The following RELA variants were observed in gnomAD, a reference collection of about 807,000 sequenced individuals.
RELA encodes RELA proto-oncogene, NF-kB subunit, also known as transcription factor p65.
In RELA, 14 loss-of-function variants were observed where a neutral mutation model predicts 56.7. That is an observed-to-expected ratio of 0.25 (90% confidence interval 0.16 to 0.39). The LOEUF (loss-of-function observed/expected upper bound fraction) is 0.39. RELA is among the 10% of genes least tolerant of loss of function. The pLI is 1.00. For missense variants in RELA, 559 were observed against 736.4 expected, an observed-to-expected ratio of 0.76 and a Z score of 2.79; for synonymous variants, 315 against 289.7, an observed-to-expected ratio of 1.09 and a Z score of -0.89.
rs1455153322 is a variant in RELA, at chr11:65,654,876, G to A, written c.1158C>T (p.Val386=). Residue 386 remains valine, a synonymous_variant, in exon 11 of 11, where the codon GTC becomes GTT. Transcript: ENST00000406246. ...ASALAPAPPQ[V]LPQAPAPAPA... ...GGGCAGGGGCTGGAGCCTGGGGCAG[G>A]ACTTGGGGAGGGGCCGGGGCCAAGG... is the stretch of plus-strand genomic sequence containing the variant. 6.3e-7 allele frequency: 1 copy of A among 1,576,168 alleles called. No individual in the cohort carries two copies.
chr11:65,662,786 C>A, intron 1 of RELA, 40 bp downstream of exon 1: 2 of 1,196,910 alleles, frequency 1.7e-6, no homozygotes, highest in Non-Finnish European at 2.1e-6. Context: ...CCGCGGCGGC[C>A]CCGGCGATGC....
intron 6 of RELA, 61 bp downstream of exon 6, chr11:65,659,604 CA>C: frequency 1.2e-6 from 2 of 1,604,200 alleles, no homozygotes; most frequent in Non-Finnish European, 1.7e-6. Context: ...ACACTCACCC[CA>C]ACCCCCTTCC....
rs749535863 is a variant in RELA at position 65,660,183 on chromosome 11, T to C, written c.368A>G (p.Lys123Arg). The C allele has an allele frequency of 2.5e-6, 4 of 1,614,128 alleles. No individual in the cohort carries two copies. ...ACTGATAGCCTGCTCCAGGTCCCGC[T>C]TCTTCACACACTGGATTCCCAGGTT... is the stretch of plus-strand genomic sequence containing the variant. ...FQNLGIQCVK[K>R]RDLEQAISQR... Residue 123 changes from lysine (K) to arginine (R), a missense_variant, in exon 5 of 11, where the codon AAG (lysine) becomes AGG (arginine). Around this residue, in one of 4 missense-constraint regions of RELA, gnomAD observed 149 missense variants for 256.0 expected, o/e 0.58. Transcript: ENST00000406246.
chr11:65,654,794 C>G lies in RELA; in HGVS notation c.1240G>C (p.Ala414Pro). The change falls in exon 11 of 11, where the codon GCC (alanine) becomes CCC (proline). Residue 414 changes from alanine (A) to proline (P), a missense_variant. Around this residue, in one of 4 missense-constraint regions of RELA, gnomAD observed 365 missense variants for 387.5 expected, o/e 0.94. Transcript: ENST00000406246. ...GCCACAGCCTGAGGAGGGCCTGGGG[C>G]TAGGACTGGGACAGGGGCTGGGGCC... The part of the protein sequence containing the change: ...AQAPAPVPVL[A>P]PGPPQAVAPP... 1 of 1,522,672 alleles carries G rather than the reference C, an allele frequency of 6.6e-7. No homozygotes were observed. The highest frequency in any genetic ancestry group is 8.8e-7 in the Non-Finnish European group (1 of 1,132,896). The allele number at this position is 1,522,672 out of a possible 1,614,324, so 94.3% of individuals were successfully genotyped here. A position where few individuals can be genotyped will look rare whatever the true frequency, so the allele number is the denominator to read the frequency against.
In RELA at chr11:65,655,905, T is replaced by C; in HGVS notation, c.908A>G (p.Lys303Arg). 1 of 1,614,152 alleles carries C rather than the reference T, an allele frequency of 6.2e-7. No homozygotes were observed. Among genetic ancestry groups the C allele is most frequent in the Non-Finnish European group, 8.5e-7 (1 of 1,180,016 alleles). Residue 303 changes from lysine to arginine, a missense_variant, in exon 9 of 11, where the codon AAA (lysine) becomes AGA (arginine). By Grantham distance (26) the Lys-to-Arg change is conservative (BLOSUM62 2). Coordinates refer to ENST00000406246, the MANE Select transcript of RELA (RefSeq NM_021975.4). Reference protein sequence around the residue: ...DDRHRIEEKRKRTYETFKSIM... With the variant: ...DDRHRIEEKRRRTYETFKSIM... The stretch of plus-strand genomic sequence containing the variant: ...GCTCTTGAAGGTCTCATATGTCCTT[T>C]TACGTTTCTCCTCAATCCGGTGACG...
rs761079450 is a variant in RELA at position 65,661,863 on chromosome 11, C to A, written c.187-28G>T. On this transcript the variant is annotated intron_variant, in intron 3 of 10. Transcript: ENST00000406246. ...GTCCAAAGTACAGAGGCCCAGACAT[C>A]CAAACCTGACTCCCAAACACAGAGG... is the stretch of plus-strand genomic sequence containing the variant. 6.9e-6 allele frequency: 11 copies of A among 1,602,390 alleles called. No individual in the cohort carries two copies. In the South Asian group the frequency reaches 1.2e-4, roughly 18 times the overall value.
chr11:65,659,846 G>T, intron 5 of RELA, 49 bp from the exon 6 acceptor site: 2 of 1,568,058 alleles, frequency 1.3e-6, no homozygotes, highest in Non-Finnish European at 1.7e-6. Flanking sequence ...GGGGATATAG[G>T]TGCTATCAGT....
intron 10 of RELA, chr11:65,655,442 G>T: frequency 1.7e-6 from 1 of 588,848 alleles, no homozygotes; most frequent in Admixed American, 3.0e-5. Context: ...AGTGAGAGAT[G>T]AGAGCAGAGA....
rs773455002 is a variant in RELA, at chr11:65,662,249, A to G, written c.8-44T>C. 2.7e-6 allele frequency: 4 copies of G among 1,502,006 alleles called. No homozygotes were observed. In the Admixed American group the frequency reaches 9.8e-5, roughly 37 times the overall value. The allele number at this position is 1,502,006 out of a possible 1,614,324, so 93.0% of individuals were successfully genotyped here. On this transcript the variant is annotated intron_variant, in intron 1 of 10. Transcript: ENST00000406246. ...CAGGGTCAGCACACACCCAATGCCC[A>G]TTCTCACAAGGAGGAATCTGCTCTC...
At chr11:65,662,788 C>G in intron 1 of RELA, 38 bp downstream of exon 1, 1 of 1,197,174 alleles carries the variant, frequency 8.4e-7, no homozygotes, top group Non-Finnish European at 1.0e-6. Flanking sequence ...GCGGCGGCCC[C>G]GGCGATGCCA....
At chr11:65,655,356 A>G in intron 10 of RELA, 1 of 575,310 alleles carries the variant, frequency 1.7e-6, no homozygotes, top group Non-Finnish European at 3.1e-6. Context: ...TGAAGTGCAG[A>G]GCTTGTCAGT....
At chr11:65,663,083 C>G (rs1341965733), upstream of RELA, 4 of 252,608 alleles carry the variant, frequency 1.6e-5, no homozygotes, top group Admixed American at 2.2e-4. Flanking sequence ...CGCGCCTCGC[C>G]GAGGACGAAG....
At chr11:65,661,599 G>T in intron 4 of RELA, 88 bp downstream of exon 4, 1 of 1,296,816 alleles carries the variant, frequency 7.7e-7, no homozygotes, top group Non-Finnish European at 1.1e-6. Context: ...TCTGCCCTGG[G>T]TCCAGAAAGG....
chr11:65,663,438 G>A (rs1565193852), upstream of RELA, among the ~76,000 whole-genome samples: 3 of 152,148 alleles, frequency 2.0e-5, no homozygotes, highest in Admixed American at 1.3e-4. Flanking sequence ...TGCGGCTGTG[G>A]GGGAATGGGA....
rs926331609 is a variant in RELA, at chr11:65,658,144, G to A, written c.877+143C>T. ...TGAGGTATCATTATTATTAAATGAG[G>A]CAAGAAATGGATTCCAGTTTCTTGG... On this transcript the variant is annotated intron_variant, in intron 8 of 10. Coordinates refer to ENST00000406246, the MANE Select transcript of RELA (RefSeq NM_021975.4). The surrounding 1 kb of genome is among the most constrained non-coding windows in gnomAD (Gnocchi z 4.5). 4.9e-6 allele frequency: 3 copies of A among 611,794 alleles called. No homozygotes were observed. The highest frequency in any genetic ancestry group is 3.0e-5 in the Admixed American group (1 of 33,292). 37.9% of individuals were successfully genotyped at this position (611,794 alleles called of 1,614,324 possible). A position where few individuals can be genotyped will look rare whatever the true frequency, so the allele number is the denominator to read the frequency against.
Position 65,653,646 on chromosome 11 carries a change from G to C in RELA, c.*732C>G, listed in dbSNP as rs1049728. ...TTAGTTCAGAGTAGAAAGAGCAAGA[G>C]TCCAAGTGCTTTGATTGTTCAGTAA... is the stretch of plus-strand genomic sequence containing the variant. On this transcript the variant is annotated 3_prime_UTR_variant, in exon 11 of 11. Coordinates refer to ENST00000406246, the MANE Select transcript of RELA (RefSeq NM_021975.4). 7,450 of 152,598 alleles carry C rather than the reference G, an allele frequency of 0.049. 289 individuals are homozygous for C. The highest frequency in any genetic ancestry group is 0.065 in the Non-Finnish European group (4,418 of 68,150). 9.5% of individuals were successfully genotyped at this position (152,598 alleles called of 1,614,324 possible). A position where few individuals can be genotyped will look rare whatever the true frequency, so the allele number is the denominator to read the frequency against.
Position 65,654,467 on chromosome 11 carries a change from G to T in RELA, c.1567C>A (p.Leu523Ile). 6.2e-7 allele frequency: 1 copy of T among 1,603,644 alleles called. No individual in the cohort carries two copies. Among genetic ancestry groups the T allele is most frequent in the East Asian group, 2.2e-5 (1 of 44,790 alleles). ...PAPAPLGAPG[L>I]PNGLLSGDED... is the part of the protein sequence containing the mutation. Reference sequence around the variant, plus strand: ...TCTCCTGAAAGGAGGCCATTGGGGAGCCCCGGGGCCCCCAGTGGAGCAGGA... The same window carrying T: ...TCTCCTGAAAGGAGGCCATTGGGGATCCCCGGGGCCCCCAGTGGAGCAGGA... Residue 523 changes from leucine to isoleucine, a missense_variant, in exon 11 of 11, where the codon CTC becomes ATC. Leu to Ile is a conservative substitution (Grantham distance 5, BLOSUM62 2). This residue lies in a region of RELA where 365 missense variants were observed against 387.5 expected (regional missense o/e 0.94). Coordinates refer to ENST00000406246, the MANE Select transcript of RELA (RefSeq NM_021975.4).
intron 1 of RELA, 137 bp from the exon 2 acceptor site, chr11:65,662,342 G>A: frequency 9.7e-7 from 1 of 1,026,600 alleles, no homozygotes; most frequent in Non-Finnish European, 1.3e-6. Context: ...AGAACCTGCG[G>A]TGAAACTAAG....
rs750086465 is a variant in RELA at position 65,658,919 on chromosome 11, G to A, written c.560-97C>T. Reference sequence around the variant, plus strand: ...ACTTCCCTGCCCAGCCCAGAGTCAAGGTTGCCCAGAGCTTGCCACCTACAC... The same window carrying A: ...ACTTCCCTGCCCAGCCCAGAGTCAAAGTTGCCCAGAGCTTGCCACCTACAC... On this transcript the variant is annotated intron_variant, in intron 6 of 10. Transcript: ENST00000406246. This position sits in a 1 kb window ranked among gnomAD's most constrained non-coding sequence, Gnocchi z 4.5. 237 of 1,016,966 alleles carry A rather than the reference G, an allele frequency of 2.3e-4. No individual in the cohort carries two copies. The highest frequency in any genetic ancestry group is 3.3e-4 in the Non-Finnish European group (212 of 646,984). 63.0% of individuals were successfully genotyped at this position (1,016,966 alleles called of 1,614,324 possible). A position where few individuals can be genotyped will look rare whatever the true frequency, so the allele number is the denominator to read the frequency against.
Sources: gnomAD v4.1 joint callset for allele counts (sites outside exome capture counted in the v4.1 genomes callset) on GRCh38, gnomAD v4.1.1 for gene constraint, gnomAD v4.1.1 regional missense constraint, Gnocchi (gnomAD v3.1) non-coding constraint, MANE v1.5 for transcripts, NCBI Gene and HGNC (gene_info 2026-07-23, HGNC 2026-07-21) for gene names.